GSG1L: variants seen among roughly 807,000 people sequenced by gnomAD.
The protein encoded by GSG1L is germ cell-specific gene 1-like protein.
A neutral mutation model predicts 42.1 loss-of-function variants in GSG1L; 24 were observed. The ratio of observed to expected loss-of-function variants is 0.57; its 90% confidence interval spans 0.41 to 0.80. The LOEUF (loss-of-function observed/expected upper bound fraction) is 0.80. Ranked by LOEUF, GSG1L falls within the 30% of genes least tolerant of loss-of-function variation. The probability of loss-of-function intolerance (pLI) is 0.00; values close to 1 mark genes in which losing one functional copy is unlikely to be tolerated. For missense variants in GSG1L, 445 were observed against 472.2 expected (o/e 0.94, Z 0.53); for synonymous variants, 215 against 203.5 (o/e 1.06, Z -0.48).
At chr16:28,044,621 T>A (rs1477539496) in intron 1 of GSG1L, among the ~76,000 whole-genome samples, 5 of 127,774 alleles carry the variant, frequency 3.9e-5, no homozygotes, top group African/African-American at 8.6e-5. Context: ...AGGCAACGAA[T>A]GCTTTTTTTT....
chr16:27,800,218 G>A (rs1308344548), intron 6 of GSG1L, among the ~76,000 whole-genome samples: 2 of 152,196 alleles, frequency 1.3e-5, no homozygotes, highest in African/African-American at 2.4e-5. Context: ...GAAGCAACTC[G>A]AGCAGGACTC....
At chr16:28,058,633 AAAAC>A (rs1197189863) in intron 1 of GSG1L, among the ~76,000 whole-genome samples, 1 of 146,012 alleles carries the variant, frequency 6.8e-6, no homozygotes, top group Admixed American at 6.9e-5. Flanking sequence ...AAAAAAAAAA[AAAAC>A]AAACAAACCA....
At chr16:27,933,895 G>A (rs537462318) in intron 2 of GSG1L, among the ~76,000 whole-genome samples, 3 of 152,240 alleles carry the variant, frequency 2.0e-5, no homozygotes, top group Non-Finnish European at 4.4e-5. Context: ...TTCAACCCTC[G>A]ATCTGCTGGT....
chr16:27,980,266 G>C (rs2085311049), intron 1 of GSG1L, among the ~76,000 whole-genome samples: 1 of 152,194 alleles, frequency 6.6e-6, no homozygotes, highest in South Asian at 2.1e-4. Context: ...CAACGAGACA[G>C]GGGGAAGGGG....
intron 2 of GSG1L, among the ~76,000 whole-genome samples, chr16:27,961,453 C>A (rs535047477): frequency 3.9e-5 from 6 of 152,088 alleles, no homozygotes; most frequent in Non-Finnish European, 7.3e-5. Context: ...GTGTGAAGCG[C>A]AGGCCTGGAT....
At chr16:27,852,818 A>G (rs1183445503) in intron 3 of GSG1L, among the ~76,000 whole-genome samples, 4 of 152,138 alleles carry the variant, frequency 2.6e-5, no homozygotes, top group Non-Finnish European at 5.9e-5. Context: ...GAGGAGCAGG[A>G]GGCAGGGAGC....
At chr16:27,838,917 C>T (rs1644618) in intron 4 of GSG1L, among the ~76,000 whole-genome samples, 39,511 of 152,180 alleles carry the variant, frequency 0.26, 5,545 homozygotes, top group Admixed American at 0.4. Context: ...CTGCCTCAGG[C>T]TGATGAGTAA....
At chr16:27,943,607 C>T (rs56743425) in intron 2 of GSG1L, among the ~76,000 whole-genome samples, 6,142 of 103,124 alleles carry the variant, frequency 0.06, 511 homozygotes, top group African/African-American at 0.21. Context: ...CAGAGTCTTG[C>T]TGTGTCACCC....
intron 3 of GSG1L, among the ~76,000 whole-genome samples, chr16:27,874,876 C>T (rs568850724): frequency 6.6e-6 from 1 of 152,282 alleles, no homozygotes; most frequent in African/African-American, 2.4e-5. Context: ...GTGACAGTGG[C>T]CTGGGGACCC....
At position 28,063,057 on chromosome 16, in the gene GSG1L, G is replaced by A. The variant is rs1434196252; in HGVS notation, c.349+19C>T. On this transcript the variant is annotated intron_variant, in intron 1 of 6. Transcript: ENST00000447459. The surrounding 1 kb of genome is among the most constrained non-coding windows in gnomAD (Gnocchi z 5.8). ...CGGGGGAGCCGGAGCCGAGCTGGCC[G>A]CCGCCCGCGCGCACTCACCAAGCCC... 2 of 1,394,800 alleles carry A rather than the reference G, an allele frequency of 1.4e-6. No homozygotes were observed. The highest frequency in any genetic ancestry group is 9.4e-7 in the Non-Finnish European group (1 of 1,068,168). The allele number at this position is 1,394,800 out of a possible 1,614,324, so 86.4% of individuals were successfully genotyped here. A position where few individuals can be genotyped will look rare whatever the true frequency, so the allele number is the denominator to read the frequency against.
intron 2 of GSG1L, among the ~76,000 whole-genome samples, chr16:27,889,278 C>T (rs1229919821): frequency 3.9e-5 from 6 of 152,176 alleles, no homozygotes; most frequent in Non-Finnish European, 7.3e-5. Flanking sequence ...GTGTGCCCAG[C>T]CGAGTTGTGC....
rs374048032 is a variant in GSG1L at position 28,025,613 on chromosome 16, C to A, written c.349+37463G>T. ...ATCATCTCTGTCACCCCTGCCTGCC[C>A]CAGCAGCAAGACATAATTGGCTTTC... On this transcript the variant is annotated intron_variant, in intron 1 of 6. Transcript: ENST00000447459. 3.3e-4 allele frequency among the ~76,000 whole-genome samples: 50 copies of A among 152,332 alleles called. 1 individual carries two copies. In the East Asian group the frequency reaches 5.2e-3, roughly 16 times the overall value.
chr16:28,024,821 G>A (rs989913935), intron 1 of GSG1L, among the ~76,000 whole-genome samples: 2 of 152,218 alleles, frequency 1.3e-5, no homozygotes, highest in African/African-American at 4.8e-5. Flanking sequence ...CAGGTTGTGC[G>A]TGAAGGAGGG....
At chr16:27,935,869 C>A (rs1028460328) in intron 2 of GSG1L, among the ~76,000 whole-genome samples, 1 of 145,624 alleles carries the variant, frequency 6.9e-6, no homozygotes, top group East Asian at 2.0e-4. Context: ...ATCTAGAATG[C>A]CTTTTCCTAC....
intron 4 of GSG1L, among the ~76,000 whole-genome samples, chr16:27,837,717 G>T (rs948069354): frequency 2.0e-5 from 3 of 152,196 alleles, no homozygotes; most frequent in African/African-American, 7.2e-5. Context: ...TCCTGGCATG[G>T]GTGTGGGTGA....
intron 1 of GSG1L, among the ~76,000 whole-genome samples, chr16:27,969,713 G>A (rs1216606124): frequency 1.3e-5 from 2 of 152,076 alleles, no homozygotes; most frequent in African/African-American, 2.4e-5. Flanking sequence ...TTTCTCTTGG[G>A]TATATACCCA....
At chr16:27,919,732 A>G (rs972402124) in intron 2 of GSG1L, among the ~76,000 whole-genome samples, 8 of 152,214 alleles carry the variant, frequency 5.3e-5, no homozygotes, top group African/African-American at 1.9e-4. Context: ...TGGGTGCCCA[A>G]TGGAGAAATT....
In GSG1L at chr16:27,791,447, C is replaced by T; in HGVS notation, c.919G>A (p.Asp307Asn). 6.6e-7 allele frequency: 1 copy of T among 1,510,322 alleles called. No individual in the cohort carries two copies. The highest frequency in any genetic ancestry group is 1.3e-5 in the South Asian group (1 of 76,580). 93.6% of individuals were successfully genotyped at this position (1,510,322 alleles called of 1,614,324 possible). A position where few individuals can be genotyped will look rare whatever the true frequency, so the allele number is the denominator to read the frequency against. ...YPARHQPHMA[D>N]SWPRSSAQEA... is the part of the protein sequence containing the mutation. ...TGTGCGGAGCTCCGGGGCCAGGAATCCGCCATGTGTGGCTGGTGTCCTGCC... is the reference window on the plus strand; with the variant it reads ...TGTGCGGAGCTCCGGGGCCAGGAATTCGCCATGTGTGGCTGGTGTCCTGCC... Residue 307 changes from aspartate to asparagine, a missense_variant, in exon 7 of 7, where the codon GAT (aspartate) becomes AAT (asparagine). By Grantham distance (23) the Asp-to-Asn change is conservative (BLOSUM62 1). Around this residue, in one of 3 missense-constraint regions of GSG1L, gnomAD observed 140 missense variants for 120.6 expected, o/e 1.16. Transcript: ENST00000447459.
intron 5 of GSG1L, chr16:27,823,740 T>C: frequency 1.5e-6 from 1 of 650,148 alleles, no homozygotes. Context: ...CTCCCTTTAC[T>C]CTCATTGTGT....
Sources: allele counts gnomAD v4.1 joint callset (sites outside exome capture counted in the v4.1 genomes callset), GRCh38; gene constraint gnomAD v4.1.1; regional missense constraint gnomAD v4.1.1; non-coding constraint Gnocchi (gnomAD v3.1); transcripts MANE v1.5; gene names NCBI Gene and HGNC (gene_info 2026-07-23, HGNC 2026-07-21).